COL13A1: variants seen among roughly 807,000 people sequenced by gnomAD.
COL13A1 encodes the protein collagen type XIII alpha 1 chain, also known as collagen alpha-1(XIII) chain.
In COL13A1, 89 loss-of-function variants were observed where a neutral mutation model predicts 130.9. The ratio of observed to expected loss-of-function variants is 0.68; its 90% CI spans 0.57 to 0.81. The LOEUF (loss-of-function observed/expected upper bound fraction) is 0.81. Among genes scored for constraint, COL13A1 ranks in the 30% least tolerant of loss-of-function variants. The pLI, the probability that COL13A1 is intolerant of heterozygous loss-of-function variation, is 0.00. For missense variants in COL13A1, 879 were observed against 934.6 expected (o/e 0.94, Z 0.78); for synonymous variants, 402 against 341.6 (o/e 1.18, Z -1.95).
rs765659098 is a variant in COL13A1, at chr10:69,867,805, T to C, written c.372T>C (p.Pro124=). Reference sequence around the variant, plus strand: ...TTTCTCTCTCTCTTTCAGGACCTCCTGTAAGTACTCAAGCCGAGGGTCTCG... The same window carrying C: ...TTTCTCTCTCTCTTTCAGGACCTCCCGTAAGTACTCAAGCCGAGGGTCTCG... ...SPGCNCPPGP[P]GPTGRPGLPG... The change falls in exon 3 of 41, where the codon CCT becomes CCC. Residue 124 remains proline, a splice_region_variant and synonymous_variant. Coordinates refer to ENST00000645393, the MANE Select transcript of COL13A1 (RefSeq NM_001368882.1). 1 of 718,498 alleles carries C rather than the reference T, an allele frequency of 1.4e-6. No homozygotes were observed. The highest frequency in any genetic ancestry group is 2.6e-6 in the Non-Finnish European group (1 of 385,040). The allele number at this position is 718,498 out of a possible 1,614,324, so 44.5% of individuals were successfully genotyped here. A position where few individuals can be genotyped will look rare whatever the true frequency, so the allele number is the denominator to read the frequency against.
At chr10:69,913,745 A>G (rs1331950013) in intron 17 of COL13A1, among the ~76,000 whole-genome samples, 1 of 152,106 alleles carries the variant, frequency 6.6e-6, no homozygotes, top group Non-Finnish European at 1.5e-5. Flanking sequence ...GAGGTCAGGC[A>G]GGGGCAGGTC....
intron 1 of COL13A1, among the ~76,000 whole-genome samples, chr10:69,817,000 C>T (rs1844724108): frequency 6.6e-6 from 1 of 152,140 alleles, no homozygotes; most frequent in African/African-American, 2.4e-5. Flanking sequence ...ATAATGATTC[C>T]GTGAGGGTGG....
chr10:69,918,287 G>T lies in COL13A1; in HGVS notation c.969G>T (p.Gly323=), dbSNP rs374332720. The T allele has an allele frequency of 6.2e-7, 1 of 1,612,948 alleles. No individual in the cohort carries two copies. The highest frequency in any genetic ancestry group is 1.7e-5 in the Admixed American group (1 of 60,004). ...PGMPGKHGAK[G]APGIAVAGMK... ...CTTTTTTTTTCTCTCTCTGCCAGGG[G>T]GCGCCCGGAATTGCCGTGGCTGGGA... Residue 323 remains glycine (G), a splice_region_variant and synonymous_variant, in exon 19 of 41, where the codon GGG becomes GGT. Transcript: ENST00000645393.
At chr10:69,806,807 G>A (rs1350112512) in intron 1 of COL13A1, among the ~76,000 whole-genome samples, 1 of 152,188 alleles carries the variant, frequency 6.6e-6, no homozygotes, top group African/African-American at 2.4e-5. Context: ...AGGAATTCAA[G>A]ACCAGCCTGA....
intron 26 of COL13A1, among the ~76,000 whole-genome samples, chr10:69,926,772 T>C (rs1484503883): frequency 1.3e-5 from 2 of 152,218 alleles, no homozygotes; most frequent in Non-Finnish European, 2.9e-5. Context: ...GAGGTGGTGC[T>C]TCCTTCCCTT....
chr10:69,822,580 C>A, intron 2 of COL13A1, 142 bp downstream of exon 2: 1 of 599,498 alleles, frequency 1.7e-6, no homozygotes, highest in Non-Finnish European at 2.7e-6. Context: ...TCTGTGGTTG[C>A]CTTCCATCTG....
chr10:69,952,883 G>C lies in COL13A1; in HGVS notation c.2060G>C (p.Gly687Ala). The change falls in exon 39 of 41, where the codon GGG becomes GCG. Residue 687 changes from glycine to alanine, a missense_variant and splice_region_variant. Physicochemically the swap from Gly to Ala is moderately conservative, Grantham distance 60. Coordinates refer to ENST00000645393, the MANE Select transcript of COL13A1 (RefSeq NM_001368882.1). ...HGPPGDKGNR[G>A]ERGKKGSRGP... Reference sequence around the variant, plus strand: ...CTCGGACTAAACCATTATTTACAGGGGGAGAGGGGGAAGAAAGGCTCTAGA... The same window carrying C: ...CTCGGACTAAACCATTATTTACAGGCGGAGAGGGGGAAGAAAGGCTCTAGA... The C allele has an allele frequency of 6.4e-7, 1 of 1,550,420 alleles. No individual in the cohort carries two copies. The highest frequency in any genetic ancestry group is 1.3e-5 in the South Asian group (1 of 79,072).
chr10:69,908,124 C>T (rs1355310055), intron 17 of COL13A1, among the ~76,000 whole-genome samples: 1 of 152,074 alleles, frequency 6.6e-6, no homozygotes, highest in Non-Finnish European at 1.5e-5. Context: ...GCTGCTAGAG[C>T]CTTCCAGGAG....
chr10:69,809,325 T>C (rs1842377270), intron 1 of COL13A1, among the ~76,000 whole-genome samples: 1 of 152,230 alleles, frequency 6.6e-6, no homozygotes, highest in Non-Finnish European at 1.5e-5. Flanking sequence ...GCACCTTGTC[T>C]ACAACTTTTA....
intron 24 of COL13A1, 116 bp downstream of exon 24, chr10:69,923,971 C>A: frequency 2.2e-6 from 3 of 1,364,226 alleles, no homozygotes; most frequent in Non-Finnish European, 2.0e-6. Flanking sequence ...CGGCCATGAC[C>A]ACTGGCTTCC....
At chr10:69,847,140 G>A (rs555447316) in intron 2 of COL13A1, among the ~76,000 whole-genome samples, 19 of 152,242 alleles carry the variant, frequency 1.2e-4, no homozygotes, top group East Asian at 1.2e-3. Flanking sequence ...GTGCCGGACC[G>A]CATGCTTAGG....
chr10:69,878,327 G>A (rs1232297200), intron 6 of COL13A1, among the ~76,000 whole-genome samples: 1 of 152,178 alleles, frequency 6.6e-6, no homozygotes, highest in Non-Finnish European at 1.5e-5. Flanking sequence ...ACAGCATGAG[G>A]CCTCATCGCT....
intron 2 of COL13A1, among the ~76,000 whole-genome samples, chr10:69,847,576 G>GTTTT (rs1853507533): frequency 6.6e-6 from 1 of 152,200 alleles, no homozygotes; most frequent in Non-Finnish European, 1.5e-5. Context: ...AGAAGAGCCA[G>GTTTT]GACAGAAGAG....
chr10:69,863,622 G>A (rs1048200882), intron 2 of COL13A1, among the ~76,000 whole-genome samples: 10 of 152,302 alleles, frequency 6.6e-5, no homozygotes, highest in Non-Finnish European at 1.2e-4. Flanking sequence ...GTCCAGGGTC[G>A]AGGGGGAGGG....
chr10:69,944,133 A>G lies in COL13A1; in HGVS notation c.1923A>G (p.Pro641=). The G allele has an allele frequency of 6.2e-7, 1 of 1,613,716 alleles. No individual in the cohort carries two copies. The highest frequency in any genetic ancestry group is 8.5e-7 in the Non-Finnish European group (1 of 1,179,710). ...TTCTTTCCCCTTCCCAGGGTACTCC[A>G]GGACCAATTGGAGTTCCAGGCCCAG... is the stretch of plus-strand genomic sequence containing the variant. ...LDGRPGPPGT[P]GPIGVPGPAG... is the part of the protein sequence containing the mutation. Residue 641 remains proline, a synonymous_variant, in exon 36 of 41, where the codon CCA becomes CCG. Coordinates refer to ENST00000645393, the MANE Select transcript of COL13A1 (RefSeq NM_001368882.1).
At chr10:69,956,265 C>G (rs1230071178) in intron 39 of COL13A1, 1 of 152,274 alleles carries the variant, frequency 6.6e-6, no homozygotes, top group Non-Finnish European at 1.5e-5. Context: ...GTTTCTATCA[C>G]CAAGGGCAGA....
intron 20 of COL13A1, 100 bp from the exon 21 acceptor site, chr10:69,919,565 G>A (rs989256496): frequency 1.0e-5 from 4 of 398,764 alleles, no homozygotes; most frequent in African/African-American, 4.1e-5. Flanking sequence ...AAGCTTAAGG[G>A]ACAAGTATTC....
At position 69,904,224 on chromosome 10, in the gene COL13A1, C is replaced by T. The variant is rs371029485; in HGVS notation, c.859-709C>T. Among the ~76,000 whole-genome samples, 20 of 152,252 alleles carry T rather than the reference C, an allele frequency of 1.3e-4. 1 individual carries two copies. In the South Asian group the frequency reaches 3.9e-3, roughly 30 times the overall value. ...ACCGCTGCCCTTTCTACCCCACCCC[C>T]CTCCTAACACTTGGGGCTCTCATCC... On this transcript the variant is annotated intron_variant, in intron 15 of 40. Transcript: ENST00000645393.
At chr10:69,857,347 T>A (rs761515124) in intron 2 of COL13A1, among the ~76,000 whole-genome samples, 87 of 152,300 alleles carry the variant, frequency 5.7e-4, no homozygotes, top group Middle Eastern at 6.8e-3. Context: ...CCCTGAGCCC[T>A]GCGTGGGTTC....
Sources: gnomAD v4.1 joint callset for allele counts (sites outside exome capture counted in the v4.1 genomes callset) on GRCh38, gnomAD v4.1.1 for gene constraint, MANE v1.5 for transcripts, NCBI Gene and HGNC (gene_info 2026-07-23, HGNC 2026-07-21) for gene names.